CIROZ: variants seen among roughly 807,000 people sequenced by gnomAD.
CIROZ encodes the protein ciliated left-right organizer protein containing ZP-N domains, also known as ciliated left-right organizer ZP-N domains-containing protein.
At chr1:10,960,623 G>A in the CIROZ span, among the ~76,000 whole-genome samples, 59 of 152,326 alleles carry the variant, frequency 3.9e-4, 2 homozygotes, top group South Asian at 0.012. This position sits in a 1 kb window ranked among gnomAD's most constrained non-coding sequence, Gnocchi z 4.6. Flanking sequence ...GTTATTGCGC[G>A]GCCTCCCGCT....
At chr1:10,948,252 G>C in the CIROZ span, 2 of 1,613,968 alleles carry the variant, frequency 1.2e-6, no homozygotes, top group African/African-American at 1.3e-5. Flanking sequence ...ACCAGGCCCT[G>C]TCTGGCGTGG....
chr1:10,959,207 G>GC, the CIROZ span, among the ~76,000 whole-genome samples: 4 of 152,118 alleles, frequency 2.6e-5, no homozygotes, highest in Admixed American at 2.6e-4. The surrounding 1 kb of genome is among the most constrained non-coding windows in gnomAD (Gnocchi z 4.3). Context: ...GTACACATGT[G>GC]CCCCCCAATG....
the CIROZ span, chr1:10,949,487 G>A: frequency 1.1e-5 from 11 of 994,538 alleles, no homozygotes; most frequent in Non-Finnish European, 1.6e-5. Context: ...AACATGGTTG[G>A]GGATCAGAGT....
At chr1:10,979,279 C>T in the CIROZ span, among the ~76,000 whole-genome samples, 1 of 152,094 alleles carries the variant, frequency 6.6e-6, no homozygotes, top group African/African-American at 2.4e-5. Context: ...CAGGTGTGGG[C>T]CACCGCACCC....
the CIROZ span, among the ~76,000 whole-genome samples, chr1:10,964,465 C>CA: frequency 1.3e-5 from 2 of 152,202 alleles, no homozygotes; most frequent in Non-Finnish European, 2.9e-5. Context: ...TCTGGAAGCT[C>CA]AGCCCCCACC....
the CIROZ span, chr1:10,954,159 A>G: frequency 6.2e-7 from 1 of 1,608,070 alleles, no homozygotes; most frequent in Non-Finnish European, 8.5e-7. Flanking sequence ...GGCCACAAGA[A>G]ATTAGTTGCA....
At chr1:10,949,571 G>C in the CIROZ span, 1 of 1,554,540 alleles carries the variant, frequency 6.4e-7, no homozygotes, top group Admixed American at 1.9e-5. Flanking sequence ...TACTTCTTGG[G>C]GACCAGACTC....
chr1:10,978,276 T>C, the CIROZ span, among the ~76,000 whole-genome samples: 1 of 148,684 alleles, frequency 6.7e-6, no homozygotes, highest in Non-Finnish European at 1.5e-5. Context: ...CTCAAACTCC[T>C]AAGCTCAAGC....
At chr1:10,951,946 A>C in the CIROZ span, among the ~76,000 whole-genome samples, 1 of 151,806 alleles carries the variant, frequency 6.6e-6, no homozygotes, top group Non-Finnish European at 1.5e-5. Context: ...CAATTCTAGC[A>C]TATATTAATA....
At chr1:10,948,199 A>G in the CIROZ span, 1 of 1,613,770 alleles carries the variant, frequency 6.2e-7, no homozygotes, top group Non-Finnish European at 8.5e-7. Context: ...CTTGGTTCTG[A>G]GGATGAAAGG....
At chr1:10,968,529 C>G in the CIROZ span, among the ~76,000 whole-genome samples, 1 of 152,268 alleles carries the variant, frequency 6.6e-6, no homozygotes, top group East Asian at 1.9e-4. Context: ...AAAGGTAGCT[C>G]GCTGGGGAAA....
At chr1:10,957,855 G>A in the CIROZ span, 1 of 1,333,374 alleles carries the variant, frequency 7.5e-7, no homozygotes, top group South Asian at 1.4e-5. Flanking sequence ...GAAGGCAACA[G>A]GGTCACGGGG....
the CIROZ span, chr1:10,953,895 G>T: frequency 7.3e-7 from 1 of 1,366,938 alleles, no homozygotes; most frequent in Non-Finnish European, 9.8e-7. Context: ...TTGTAGGTGT[G>T]GGATCTGTCG....
At chr1:10,955,659 A>G in the CIROZ span, among the ~76,000 whole-genome samples, 55 of 152,198 alleles carry the variant, frequency 3.6e-4, no homozygotes, top group African/African-American at 1.3e-3. Flanking sequence ...CCTGGCCTAC[A>G]TGGTGAAACC....
At chr1:10,964,374 G>A in the CIROZ span, 2 of 1,316,940 alleles carry the variant, frequency 1.5e-6, no homozygotes, top group South Asian at 2.9e-5. Flanking sequence ...AGGACACCAT[G>A]AACCTCCTAG....
the CIROZ span, among the ~76,000 whole-genome samples, chr1:10,950,129 G>T: frequency 6.1e-5 from 9 of 147,990 alleles, no homozygotes; most frequent in Non-Finnish European, 8.9e-5. Context: ...CGCCTCCTGG[G>T]TTCAAGTGAT....
At chr1:10,972,420 T>TACACACACACAC in the CIROZ span, among the ~76,000 whole-genome samples, 154 of 131,800 alleles carry the variant, frequency 1.2e-3, 2 homozygotes, top group African/African-American at 2.7e-3. Flanking sequence ...GTCTCTGAAA[T>TACACACACACAC]ACACACACAC....
At chr1:10,947,603 C>T in the CIROZ span, 4 of 1,342,854 alleles carry the variant, frequency 3.0e-6, no homozygotes, top group African/African-American at 4.4e-5. Flanking sequence ...TGCCTCCCAC[C>T]CTTTGCACTC....
the CIROZ span, chr1:10,958,680 A>G: frequency 6.8e-6 from 11 of 1,613,064 alleles, no homozygotes; most frequent in Admixed American, 1.8e-4. Context: ...ACTTCCAGAG[A>G]GTTGCTCCTG....
Sources: gnomAD v4.1 joint callset for allele counts (sites outside exome capture counted in the v4.1 genomes callset) on GRCh38, gnomAD v4.1.1 for gene constraint, Gnocchi (gnomAD v3.1) non-coding constraint, MANE v1.5 for transcripts, NCBI Gene and HGNC (gene_info 2026-07-23, HGNC 2026-07-21) for gene names.